BPI: variants seen among roughly 807,000 people sequenced by gnomAD.
The protein encoded by BPI is bactericidal permeability-increasing protein.
BPI carries 48 observed loss-of-function variants against 57.6 expected under a neutral mutation model. The observed-to-expected ratio is 0.83, with a 90% CI of 0.66 to 1.06. The LOEUF is 1.06. BPI is among the 50% of genes least tolerant of loss of function. The pLI is 0.00. For synonymous variants in BPI, 237 were observed against 238.2 expected (o/e 0.99, Z 0.05); for missense variants, 651 against 609.7 (o/e 1.07, Z -0.71).
At chr20:38,332,037 A>G (rs78384127) in intron 12 of BPI, among the ~76,000 whole-genome samples, 10,166 of 152,186 alleles carry the variant, frequency 0.067, 404 homozygotes, top group South Asian at 0.12. Context: ...CAGGGGCAAA[A>G]GCCCTGTGGT....
intron 13 of BPI, among the ~76,000 whole-genome samples, chr20:38,335,262 A>G (rs560094295): frequency 2.0e-4 from 31 of 152,266 alleles, no homozygotes; most frequent in African/African-American, 7.5e-4. Context: ...GCTCACATGC[A>G]TAAATACCCC....
intron 1 of BPI, among the ~76,000 whole-genome samples, chr20:38,305,389 C>G (rs2076592208): frequency 6.6e-6 from 1 of 152,162 alleles, no homozygotes; most frequent in African/African-American, 2.4e-5. Context: ...TCTACCCAGG[C>G]CCCTTGTGCC....
intron 4 of BPI, among the ~76,000 whole-genome samples, 169 bp from the exon 5 acceptor site, chr20:38,311,705 T>G (rs2076622719): frequency 6.6e-6 from 1 of 152,042 alleles, no homozygotes; most frequent in Non-Finnish European, 1.5e-5. Context: ...AACAGGTCAC[T>G]AAATCGGGGA....
chr20:38,315,634 G>A (rs576239931), intron 5 of BPI, among the ~76,000 whole-genome samples: 9 of 152,252 alleles, frequency 5.9e-5, no homozygotes, highest in Middle Eastern at 3.4e-3. Flanking sequence ...AGAGGTGCAG[G>A]TTCCTTGGAG....
intron 11 of BPI, among the ~76,000 whole-genome samples, chr20:38,328,322 G>A (rs2076724102): frequency 6.6e-6 from 1 of 151,956 alleles, no homozygotes; most frequent in Non-Finnish European, 1.5e-5. Context: ...GGAGGCTGAG[G>A]CAGGTGGATC....
intron 1 of BPI, among the ~76,000 whole-genome samples, chr20:38,306,056 G>T (rs1469927180): frequency 6.6e-6 from 1 of 152,066 alleles, no homozygotes; most frequent in Non-Finnish European, 1.5e-5. Context: ...TTTTGAGACC[G>T]AGTCTCGCTC....
At chr20:38,329,030 TAAAC>T (rs1161420348) in intron 11 of BPI, among the ~76,000 whole-genome samples, 3 of 150,858 alleles carry the variant, frequency 2.0e-5, no homozygotes, top group African/African-American at 4.9e-5. Flanking sequence ...AATAAATAAA[TAAAC>T]AAATAGATTT....
Position 38,323,989 on chromosome 20 carries a change from A to G in BPI, c.876A>G (p.Thr292=), listed in dbSNP as rs754499048. The stretch of plus-strand genomic sequence containing the variant: ...GCCTCTCAGACTACTTCTTCAACAC[A>G]GCCGGGCTTGTATACCAAGAGGCTG... ...YLGLSDYFFN[T]AGLVYQEAGV... is the part of the protein sequence containing the mutation. The change falls in exon 8 of 15, where the codon ACA becomes ACG. Residue 292 remains threonine (T), a synonymous_variant. Transcript: ENST00000642449. 1 of 1,614,022 alleles carries G rather than the reference A, an allele frequency of 6.2e-7. No individual in the cohort carries two copies. Among genetic ancestry groups the G allele is most frequent in the Non-Finnish European group, 8.5e-7 (1 of 1,180,034 alleles).
chr20:38,311,113 A>G (rs1270771661), intron 4 of BPI, among the ~76,000 whole-genome samples: 1 of 152,212 alleles, frequency 6.6e-6, no homozygotes, highest in African/African-American at 2.4e-5. Context: ...CACACTCATT[A>G]TCTCATTCAA....
At chr20:38,324,720 C>T (rs1042907279) in intron 8 of BPI, 54 bp from the exon 9 acceptor site, 1 of 1,454,358 alleles carries the variant, frequency 6.9e-7, no homozygotes, top group African/African-American at 1.4e-5. Context: ...CTCACCCCCT[C>T]TGCTCCGTCT....
At chr20:38,324,197 C>A in intron 8 of BPI, 151 bp downstream of exon 8, 1 of 943,032 alleles carries the variant, frequency 1.1e-6, no homozygotes, top group Non-Finnish European at 1.5e-6. Context: ...AATATCGGCC[C>A]CACCCCTCTC....
chr20:38,324,893 G>A, intron 9 of BPI, 60 bp downstream of exon 9: 3 of 1,381,770 alleles, frequency 2.2e-6, no homozygotes, highest in Non-Finnish European at 3.1e-6. Context: ...ACAGGGCTTT[G>A]CTGAGTGGAT....
intron 14 of BPI, 120 bp downstream of exon 14, chr20:38,335,794 C>A: frequency 1.1e-6 from 1 of 935,174 alleles, no homozygotes; most frequent in Non-Finnish European, 1.6e-6. Flanking sequence ...CTTACAACAA[C>A]TCTGGGATGT....
intron 7 of BPI, chr20:38,321,608 A>G (rs898591190): frequency 1.3e-5 from 2 of 152,180 alleles, no homozygotes; most frequent in Non-Finnish European, 2.9e-5. Context: ...CAGTCCTTCC[A>G]TATTGGTGAT....
At chr20:38,310,761 T>C (rs2076618128) in intron 4 of BPI, 109 bp downstream of exon 4, 1 of 1,413,938 alleles carries the variant, frequency 7.1e-7, no homozygotes, top group South Asian at 1.4e-5. Flanking sequence ...TGCCAGGCCT[T>C]GCTCAGAGGC....
At chr20:38,323,826 T>A (rs371279363) in intron 7 of BPI, 44 bp from the exon 8 acceptor site, 6 of 1,588,250 alleles carry the variant, frequency 3.8e-6, no homozygotes, top group Non-Finnish European at 5.1e-6. Context: ...TGACTTATAA[T>A]TCCTGAAGAA....
At chr20:38,325,480 A>T (rs569602508) in intron 9 of BPI, among the ~76,000 whole-genome samples, 1 of 152,256 alleles carries the variant, frequency 6.6e-6, no homozygotes, top group East Asian at 1.9e-4. Flanking sequence ...TTCTCAATGC[A>T]TGCATGGTGG....
chr20:38,324,776 T>G lies in BPI; in HGVS notation c.936T>G (p.Ile312Met). ...VLKMTLRDDM[I>M]PKESKFRLTT... ...CCTTTTCTCATCTCTTGCTACAGAT[T>G]CCAAAGGAGTCCAAATTTCGACTGA... is the stretch of plus-strand genomic sequence containing the variant. The change falls in exon 9 of 15, where the codon ATT (isoleucine) becomes ATG (methionine). Residue 312 changes from isoleucine to methionine, a missense_variant and splice_region_variant. Coordinates refer to ENST00000642449, the MANE Select transcript of BPI (RefSeq NM_001725.3). 1 of 1,611,296 alleles carries G rather than the reference T, an allele frequency of 6.2e-7. No individual in the cohort carries two copies. Among genetic ancestry groups the G allele is most frequent in the South Asian group, 1.1e-5 (1 of 91,016 alleles).
At position 38,327,474 on chromosome 20, in the gene BPI, C is replaced by T. The variant is rs961813933; in HGVS notation, c.1162-114C>T. ...CTCCTCTGGCTCTGTGGGCCTGACC[C>T]CACAGTGTATGCTGCCCTGCTGAGC... On this transcript the variant is annotated intron_variant, in intron 10 of 14. Coordinates refer to ENST00000642449, the MANE Select transcript of BPI (RefSeq NM_001725.3). The T allele has an allele frequency of 6.0e-6, 7 of 1,160,008 alleles. No homozygotes were observed. The African/African-American group carries it at 7.7e-5, about 13-fold the overall frequency. 71.9% of individuals were successfully genotyped at this position (1,160,008 alleles called of 1,614,324 possible).
Sources: gnomAD v4.1 joint callset for allele counts (sites outside exome capture counted in the v4.1 genomes callset) on GRCh38, gnomAD v4.1.1 for gene constraint, MANE v1.5 for transcripts, NCBI Gene and HGNC (gene_info 2026-07-23, HGNC 2026-07-21) for gene names.